Variants in SIPA1L3 observed in about 807,000 individuals in gnomAD.
SIPA1L3 encodes signal induced proliferation associated 1 like 3, also known as signal-induced proliferation-associated 1-like protein 3.
Under a neutral mutation model 150.1 loss-of-function variants are expected in SIPA1L3, and 59 were observed. The observed-to-expected ratio is 0.39, with a 90% CI of 0.32 to 0.49. The LOEUF (loss-of-function observed/expected upper bound fraction) is 0.49. Ranked by LOEUF, SIPA1L3 falls within the 20% of genes least tolerant of loss-of-function variation. The probability of loss-of-function intolerance (pLI) is 0.86; values close to 1 mark genes in which losing one functional copy is unlikely to be tolerated. For synonymous variants in SIPA1L3, 1,070 were observed against 1,077.6 expected, an observed-to-expected ratio of 0.99 and a Z score of 0.14; for missense variants, 2,211 against 2,489.5, an observed-to-expected ratio of 0.89 and a Z score of 2.38.
chr19:38,083,897 G>A (rs566782687), intron 3 of SIPA1L3, among the ~76,000 whole-genome samples: 1 of 151,786 alleles, frequency 6.6e-6, no homozygotes, highest in Admixed American at 6.6e-5. Context: ...GGAGGCTGAG[G>A]TAGGAGAATC....
At position 38,033,673 on chromosome 19, in the gene SIPA1L3, A is replaced by ATG. The variant is rs55896571; in HGVS notation, c.-311+4542_-311+4543dup. 0.026 allele frequency among the ~76,000 whole-genome samples: 762 copies of ATG among 29,534 alleles called. 8 individuals are homozygous for ATG. In the East Asian group the frequency reaches 0.37, roughly 14 times the overall value. 19.4% of individuals were successfully genotyped at this position (29,534 alleles called of 152,430 possible). On this transcript the variant is annotated intron_variant, in intron 2 of 21. Transcript: ENST00000222345. Reference sequence around the variant, plus strand: ...GGGCAATAGAGCGAGAGAGATACGTATGTGTGTGTGTGTGTGTGTGTGTGT... The same window carrying ATG: ...GGGCAATAGAGCGAGAGAGATACGTATGTGTGTGTGTGTGTGTGTGTGTGTGT...
intron 1 of SIPA1L3, among the ~76,000 whole-genome samples, chr19:37,927,257 A>G (rs948143798): frequency 1.4e-5 from 2 of 147,354 alleles, no homozygotes; most frequent in African/African-American, 5.0e-5. Context: ...AATTCTCCCT[A>G]CCTCAGCCTC....
rs1406280100 is a variant in SIPA1L3 at position 38,164,345 on chromosome 19, G to A, written c.3781-134G>A. Reference sequence around the variant, plus strand: ...GTAAATCACTTGCCCAAGGTAACACGGCCAGTAGATGAGAAGCCAGGATTT... The same window carrying A: ...GTAAATCACTTGCCCAAGGTAACACAGCCAGTAGATGAGAAGCCAGGATTT... On this transcript the variant is annotated intron_variant, in intron 14 of 21. Coordinates refer to ENST00000222345, the MANE Select transcript of SIPA1L3 (RefSeq NM_015073.3). The surrounding 1 kb of genome is among the most constrained non-coding windows in gnomAD (Gnocchi z 4.1). 6.1e-6 allele frequency: 5 copies of A among 817,100 alleles called. No homozygotes were observed. In the Admixed American group the frequency reaches 7.1e-5, roughly 12 times the overall value. 50.6% of individuals were successfully genotyped at this position (817,100 alleles called of 1,614,324 possible). A position where few individuals can be genotyped will look rare whatever the true frequency, so the allele number is the denominator to read the frequency against.
chr19:38,069,660 T>A (rs567582333), intron 2 of SIPA1L3, among the ~76,000 whole-genome samples: 100 of 151,644 alleles, frequency 6.6e-4, no homozygotes, highest in African/African-American at 1.5e-3. Flanking sequence ...ACCTATATAT[T>A]TTTTTTTATT....
chr19:38,071,394 C>T (rs1969721153), intron 2 of SIPA1L3, among the ~76,000 whole-genome samples: 1 of 152,120 alleles, frequency 6.6e-6, no homozygotes, highest in South Asian at 2.1e-4. Context: ...TCAAGCAATT[C>T]TGTTGCCTCA....
At chr19:38,170,726 A>G (rs1307576296) in intron 15 of SIPA1L3, among the ~76,000 whole-genome samples, 1 of 152,120 alleles carries the variant, frequency 6.6e-6, no homozygotes, top group African/African-American at 2.4e-5. Flanking sequence ...CAGCCTGCAG[A>G]GACGGGTGGG....
At chr19:37,940,537 T>C (rs1430000124) in intron 1 of SIPA1L3, among the ~76,000 whole-genome samples, 2 of 152,160 alleles carry the variant, frequency 1.3e-5, no homozygotes, top group Non-Finnish European at 2.9e-5. Flanking sequence ...GATCATCTCA[T>C]AAATATCTTT....
At chr19:37,929,759 C>A (rs1205553979) in intron 1 of SIPA1L3, among the ~76,000 whole-genome samples, 1 of 152,168 alleles carries the variant, frequency 6.6e-6, no homozygotes, top group African/African-American at 2.4e-5. Flanking sequence ...GTGCTTACCC[C>A]CAGGGGCCAG....
intron 9 of SIPA1L3, among the ~76,000 whole-genome samples, chr19:38,121,028 T>C (rs1971004493): frequency 6.6e-6 from 1 of 152,192 alleles, no homozygotes; most frequent in African/African-American, 2.4e-5. Flanking sequence ...AGTTTCTTCA[T>C]CTGAAAAGCA....
intron 1 of SIPA1L3, among the ~76,000 whole-genome samples, chr19:38,025,809 C>T (rs1219964397): frequency 1.3e-5 from 2 of 152,312 alleles, no homozygotes; most frequent in East Asian, 1.9e-4. Context: ...CCCTGCCAAG[C>T]ATCTTGAAAA....
intron 1 of SIPA1L3, among the ~76,000 whole-genome samples, chr19:38,000,826 A>G (rs964228389): frequency 1.3e-5 from 2 of 148,172 alleles, no homozygotes; most frequent in Non-Finnish European, 3.0e-5. Flanking sequence ...TTTGGTGGGG[A>G]GAGAATGAGT....
intron 18 of SIPA1L3, among the ~76,000 whole-genome samples, chr19:38,195,016 A>G: frequency 6.6e-6 from 1 of 150,870 alleles, no homozygotes; most frequent in East Asian, 2.0e-4. Context: ...AAGCCACTGC[A>G]CTCCAGCCTG....
At chr19:38,178,789 A>G (rs1972500042) in intron 15 of SIPA1L3, among the ~76,000 whole-genome samples, 1 of 152,120 alleles carries the variant, frequency 6.6e-6, no homozygotes, top group African/African-American at 2.4e-5. Context: ...CCAAATGTTA[A>G]GCTGAAGCCA....
rs982006660 is a variant in SIPA1L3 at position 38,078,804 on chromosome 19, G to A, written c.-310-2452G>A. ...TCCGTTGGCAGGAGGGAGCGGGCAC[G>A]GCTGCTGGGCAGTCAACAGCTTCCA... On this transcript the variant is annotated intron_variant, in intron 2 of 21. Transcript: ENST00000222345. Among the ~76,000 whole-genome samples the A allele has an allele frequency of 8.5e-5, 13 of 152,276 alleles. No individual in the cohort carries two copies. The East Asian group carries it at 2.3e-3, about 27-fold the overall frequency.
At chr19:38,153,902 C>G (rs1019645592) in intron 13 of SIPA1L3, among the ~76,000 whole-genome samples, 2 of 152,056 alleles carry the variant, frequency 1.3e-5, no homozygotes, top group African/African-American at 4.8e-5. Context: ...TCACTGCACT[C>G]CAGCCTGAGC....
At chr19:38,073,490 G>T (rs1294422712) in intron 2 of SIPA1L3, among the ~76,000 whole-genome samples, 1 of 152,148 alleles carries the variant, frequency 6.6e-6, no homozygotes, top group African/African-American at 2.4e-5. Context: ...TCCTCATTTT[G>T]CTGCTGTCTC....
At chr19:37,976,396 T>C (rs531797581) in intron 1 of SIPA1L3, among the ~76,000 whole-genome samples, 23 of 152,278 alleles carry the variant, frequency 1.5e-4, no homozygotes, top group African/African-American at 5.1e-4. Flanking sequence ...GCCCCCGCAC[T>C]GCAGCACTGG....
intron 1 of SIPA1L3, among the ~76,000 whole-genome samples, chr19:37,910,563 G>T (rs1392874165): frequency 6.6e-6 from 1 of 151,268 alleles, no homozygotes; most frequent in Non-Finnish European, 1.5e-5. Context: ...AGAGGCTGTT[G>T]TACCAGTTTG....
intron 11 of SIPA1L3, among the ~76,000 whole-genome samples, chr19:38,142,358 C>T (rs959523963): frequency 3.3e-5 from 5 of 152,308 alleles, no homozygotes; most frequent in Admixed American, 3.3e-4. Context: ...GAAGAGGGGG[C>T]CCAGGAGCAT....
Sources: gnomAD v4.1 joint callset for allele counts (sites outside exome capture counted in the v4.1 genomes callset) on GRCh38, gnomAD v4.1.1 for gene constraint, Gnocchi (gnomAD v3.1) non-coding constraint, MANE v1.5 for transcripts, NCBI Gene and HGNC (gene_info 2026-07-23, HGNC 2026-07-21) for gene names.